The following SLC9A9 variants were observed in gnomAD, a reference collection of about 807,000 sequenced individuals.
SLC9A9 encodes solute carrier family 9 member A9, also known as sodium/hydrogen exchanger 9.
A neutral mutation model predicts 77.8 loss-of-function variants in SLC9A9; 62 were observed. That is an observed-to-expected ratio of 0.80 (90% confidence interval 0.65 to 0.98). SLC9A9 has a LOEUF of 0.98. SLC9A9 is among the 50% of genes least tolerant of loss of function. The pLI, the probability that SLC9A9 is intolerant of heterozygous loss-of-function variation, is 0.00. For synonymous variants in SLC9A9, 320 were observed against 283.5 expected (o/e 1.13, Z -1.29); for missense variants, 775 against 774.9 (o/e 1.00, Z 0.00).
intron 5 of SLC9A9, among the ~76,000 whole-genome samples, chr3:143,655,205 C>G (rs1422537292): frequency 2.0e-5 from 3 of 152,214 alleles, no homozygotes; most frequent in Non-Finnish European, 2.9e-5. Flanking sequence ...TGGCAGGGCT[C>G]AATCTTACAC....
chr3:143,300,129 C>T (rs940580887), intron 14 of SLC9A9, among the ~76,000 whole-genome samples: 4 of 152,192 alleles, frequency 2.6e-5, no homozygotes, highest in South Asian at 2.1e-4. Context: ...TGGTTAAAAG[C>T]GTGTGCTTTT....
intron 8 of SLC9A9, among the ~76,000 whole-genome samples, chr3:143,557,158 G>A (rs762723945): frequency 2.6e-5 from 4 of 152,054 alleles, no homozygotes; most frequent in Non-Finnish European, 5.9e-5. Flanking sequence ...TCACTAGATC[G>A]GAGGGTTTTA....
chr3:143,779,166 A>G (rs1426849823), intron 4 of SLC9A9, among the ~76,000 whole-genome samples: 5 of 152,196 alleles, frequency 3.3e-5, no homozygotes, highest in Non-Finnish European at 5.9e-5. Context: ...TATCACATCT[A>G]TCATAAGTCT....
rs1009828248 is a variant in SLC9A9 at position 143,738,985 on chromosome 3, G to A, written c.534-45678C>T. Reference sequence around the variant, plus strand: ...CCCATCTTTTAGGAGTTTTTATGGAGTCTCCAAGTCATAGGCTTGATTGGG... The same window carrying A: ...CCCATCTTTTAGGAGTTTTTATGGAATCTCCAAGTCATAGGCTTGATTGGG... On this transcript the variant is annotated intron_variant, in intron 4 of 15. Transcript: ENST00000316549. Among the ~76,000 whole-genome samples the A allele has an allele frequency of 1.4e-4, 21 of 152,198 alleles. No individual in the cohort carries two copies. In the Middle Eastern group the frequency reaches 0.01, roughly 74 times the overall value.
At chr3:143,603,829 C>T (rs891612961) in intron 6 of SLC9A9, among the ~76,000 whole-genome samples, 3 of 152,196 alleles carry the variant, frequency 2.0e-5, no homozygotes, top group Non-Finnish European at 4.4e-5. Flanking sequence ...AACAACCTGA[C>T]GTGAGTATTT....
intron 12 of SLC9A9, among the ~76,000 whole-genome samples, chr3:143,446,145 T>TGA (rs886870623): frequency 2.6e-5 from 4 of 151,822 alleles, no homozygotes; most frequent in African/African-American, 9.7e-5. Context: ...GACAAAATAA[T>TGA]GATATGAGGG....
At chr3:143,708,596 C>T (rs952178048) in intron 4 of SLC9A9, among the ~76,000 whole-genome samples, 6 of 152,226 alleles carry the variant, frequency 3.9e-5, no homozygotes, top group South Asian at 2.1e-4. Flanking sequence ...TCTCTATTCA[C>T]TGACCAGTTT....
intron 5 of SLC9A9, among the ~76,000 whole-genome samples, chr3:143,658,155 T>C (rs971950709): frequency 2.0e-5 from 3 of 152,194 alleles, no homozygotes; most frequent in African/African-American, 7.2e-5. Context: ...CATGAGCCAC[T>C]GTGCCTGGCC....
intron 14 of SLC9A9, among the ~76,000 whole-genome samples, chr3:143,351,593 A>G (rs1438442937): frequency 6.6e-6 from 1 of 152,192 alleles, no homozygotes; most frequent in Non-Finnish European, 1.5e-5. Context: ...ATATCTTCCA[A>G]AGAGTGGGAT....
At chr3:143,501,410 A>G (rs1000375341) in intron 9 of SLC9A9, among the ~76,000 whole-genome samples, 3 of 150,856 alleles carry the variant, frequency 2.0e-5, no homozygotes, top group Admixed American at 2.0e-4. Context: ...TTAATTATGC[A>G]GATGCCCATA....
intron 9 of SLC9A9, chr3:143,518,120 C>G (rs1040898839): frequency 4.4e-6 from 7 of 1,599,254 alleles, no homozygotes; most frequent in Non-Finnish European, 5.1e-6. Flanking sequence ...ACCTCCCATG[C>G]TCTCCACCCA....
intron 5 of SLC9A9, among the ~76,000 whole-genome samples, chr3:143,691,790 C>T (rs58826599): frequency 0.43 from 65,406 of 151,872 alleles, 14,274 homozygotes; most frequent in South Asian, 0.6. Flanking sequence ...AAACATAAAC[C>T]GAAGTCCTAT....
chr3:143,743,505 T>G (rs979816226), intron 4 of SLC9A9, among the ~76,000 whole-genome samples: 1 of 152,070 alleles, frequency 6.6e-6, no homozygotes, highest in African/African-American at 2.4e-5. Flanking sequence ...AGCCTGGAGT[T>G]TTGATGTCCA....
chr3:143,596,797 G>A (rs2037760505), intron 6 of SLC9A9, among the ~76,000 whole-genome samples: 1 of 151,972 alleles, frequency 6.6e-6, no homozygotes, highest in Admixed American at 6.5e-5. Flanking sequence ...CATGTAGTTG[G>A]GATCATAGGT....
chr3:143,406,144 A>G (rs1244169010), intron 12 of SLC9A9, among the ~76,000 whole-genome samples: 1 of 152,180 alleles, frequency 6.6e-6, no homozygotes, highest in African/African-American at 2.4e-5. Context: ...TATAGGATTC[A>G]TTGGGCCTAT....
chr3:143,475,490 G>A (rs2035459007), intron 11 of SLC9A9, among the ~76,000 whole-genome samples: 1 of 151,850 alleles, frequency 6.6e-6, no homozygotes, highest in Non-Finnish European at 1.5e-5. Context: ...GGTCATTTTT[G>A]TGTTTAAAAG....
chr3:143,525,509 T>C (rs2036388792), intron 9 of SLC9A9, among the ~76,000 whole-genome samples: 1 of 152,186 alleles, frequency 6.6e-6, no homozygotes. Context: ...AGGTAGCATA[T>C]GAGTCTCATC....
intron 4 of SLC9A9, among the ~76,000 whole-genome samples, chr3:143,753,690 CTG>C (rs2006821914): frequency 1.3e-5 from 2 of 152,112 alleles, no homozygotes; most frequent in Admixed American, 6.5e-5. Flanking sequence ...GGCTGAGTGA[CTG>C]AGCATGGAGG....
chr3:143,548,801 C>G (rs940999093), intron 9 of SLC9A9, among the ~76,000 whole-genome samples: 1 of 152,194 alleles, frequency 6.6e-6, no homozygotes, highest in Non-Finnish European at 1.5e-5. Context: ...AAAAGGCACT[C>G]TAATTCTTCA....
Sources: allele counts gnomAD v4.1 joint callset (sites outside exome capture counted in the v4.1 genomes callset), GRCh38; gene constraint gnomAD v4.1.1; transcripts MANE v1.5; gene names NCBI Gene and HGNC (gene_info 2026-07-23, HGNC 2026-07-21).